LDHC: variants seen among roughly 807,000 people sequenced by gnomAD.
LDHC encodes the protein L-lactate dehydrogenase C chain.
Under a neutral mutation model 30.2 loss-of-function variants are expected in LDHC, and 20 were observed. The observed-to-expected ratio is 0.66, with a 90% CI of 0.47 to 0.96. The LOEUF is 0.96. Among genes scored for constraint, LDHC ranks in the 40% least tolerant of loss-of-function variants. The pLI, the probability that LDHC is intolerant of heterozygous loss-of-function variation, is 0.00. For synonymous variants in LDHC, 139 were observed against 132.7 expected, an observed-to-expected ratio of 1.05 and a Z score of -0.32; for missense variants, 362 against 394.9, an observed-to-expected ratio of 0.92 and a Z score of 0.71.
At chr11:18,418,757 C>A (rs1189530415) in intron 3 of LDHC, among the ~76,000 whole-genome samples, 1 of 152,094 alleles carries the variant, frequency 6.6e-6, no homozygotes, top group Non-Finnish European at 1.5e-5. Flanking sequence ...ACATATTCAA[C>A]TTTCAATTTC....
chr11:18,443,510 A>G (rs1590235448), intron 6 of LDHC, among the ~76,000 whole-genome samples: 1 of 135,338 alleles, frequency 7.4e-6, no homozygotes, highest in Admixed American at 8.3e-5. Context: ...TCCAGGCTGG[A>G]GTGTAGTGGC....
intron 6 of LDHC, among the ~76,000 whole-genome samples, chr11:18,444,603 G>GATATATATATATATATATATATATATAT: frequency 1.3e-5 from 1 of 75,668 alleles, no homozygotes; most frequent in Non-Finnish European, 3.0e-5. Context: ...GTGTTCAGGT[G>GATATATATATATATATATATATATATAT]GTATATATAT....
At chr11:18,442,749 G>A (rs1436137628) in intron 6 of LDHC, among the ~76,000 whole-genome samples, 6 of 136,712 alleles carry the variant, frequency 4.4e-5, no homozygotes, top group Admixed American at 4.2e-4. Flanking sequence ...TGCAACCTCC[G>A]CCTCCTGGGT....
chr11:18,448,087 A>G (rs1459793227), intron 7 of LDHC, among the ~76,000 whole-genome samples: 1 of 151,518 alleles, frequency 6.6e-6, no homozygotes, highest in Non-Finnish European at 1.5e-5. Context: ...AAGAGGCAAT[A>G]AAGAGTACAC....
At chr11:18,429,665 G>A in intron 3 of LDHC, 72 bp from the exon 4 acceptor site, 1 of 789,376 alleles carries the variant, frequency 1.3e-6, no homozygotes, top group Middle Eastern at 2.4e-4. Context: ...ACATACAATA[G>A]AGTTTTAAGG....
intron 3 of LDHC, 104 bp downstream of exon 3, chr11:18,415,405 A>T (rs1866992400): frequency 8.2e-6 from 5 of 612,338 alleles, no homozygotes; most frequent in Non-Finnish European, 8.5e-6. Context: ...GCACCATGCC[A>T]TTGGGCCATA....
At chr11:18,433,918 T>C (rs571712557) in intron 4 of LDHC, among the ~76,000 whole-genome samples, 37 of 152,362 alleles carry the variant, frequency 2.4e-4, no homozygotes, top group African/African-American at 8.2e-4. Context: ...TTTAGAATTG[T>C]CTTCTTCCTC....
intron 4 of LDHC, 36 bp downstream of exon 4, chr11:18,429,946 T>C: frequency 1.5e-6 from 2 of 1,334,172 alleles, no homozygotes; most frequent in Non-Finnish European, 2.1e-6. Context: ...TGCATAAGGA[T>C]GATCTTTCCA....
At chr11:18,437,283 T>C (rs1458524081) in intron 5 of LDHC, among the ~76,000 whole-genome samples, 1 of 152,266 alleles carries the variant, frequency 6.6e-6, no homozygotes. Flanking sequence ...CTTAAAAATA[T>C]GTATGTTGCT....
chr11:18,422,293 T>A (rs1450534469), intron 3 of LDHC, among the ~76,000 whole-genome samples: 1 of 152,004 alleles, frequency 6.6e-6, no homozygotes, highest in Non-Finnish European at 1.5e-5. Context: ...CGATGGCCCA[T>A]GCCTGTAATC....
chr11:18,429,788 G>A lies in LDHC; in HGVS notation c.296G>A (p.Arg99Lys). The A allele has an allele frequency of 6.2e-7, 1 of 1,612,996 alleles. No homozygotes were observed. The highest frequency in any genetic ancestry group is 8.5e-7 in the Non-Finnish European group (1 of 1,179,090). Residue 99 changes from arginine (R) to lysine (K), a missense_variant, in exon 4 of 8, where the codon AGG becomes AAG. Transcript: ENST00000541669. ...ATAGTTATTGTCACAGCAGGTGCAAGGCAGCAGGAGGGAGAAACTCGCCTT... is the reference window on the plus strand; with the variant it reads ...ATAGTTATTGTCACAGCAGGTGCAAAGCAGCAGGAGGGAGAAACTCGCCTT... Reference protein sequence around the residue: ...SRIVIVTAGARQQEGETRLAL... With the variant: ...SRIVIVTAGAKQQEGETRLAL...
intron 5 of LDHC, among the ~76,000 whole-genome samples, chr11:18,436,539 T>G (rs1054554042): frequency 4.5e-5 from 6 of 133,528 alleles, no homozygotes; most frequent in Non-Finnish European, 7.7e-5. Context: ...CAGGCTGGAG[T>G]GCAATGGTGT....
chr11:18,415,493 G>T (rs186664483), intron 3 of LDHC, among the ~76,000 whole-genome samples, 192 bp downstream of exon 3: 2 of 151,810 alleles, frequency 1.3e-5, no homozygotes, highest in African/African-American at 4.8e-5. Flanking sequence ...GTGCAGTGGC[G>T]CGATCTTGGC....
At chr11:18,438,769 C>T (rs2133839739) in intron 6 of LDHC, 124 bp downstream of exon 6, 1 of 518,564 alleles carries the variant, frequency 1.9e-6, no homozygotes, top group South Asian at 2.7e-5. Flanking sequence ...CTCCTGAAAA[C>T]CACTAAATTC....
chr11:18,413,338 C>T (rs1278274232), intron 2 of LDHC, among the ~76,000 whole-genome samples: 2 of 152,156 alleles, frequency 1.3e-5, no homozygotes. Context: ...CTGCCTCGGC[C>T]TCCCAGAGTA....
chr11:18,418,678 C>T (rs1428027485), intron 3 of LDHC, among the ~76,000 whole-genome samples: 9 of 152,012 alleles, frequency 5.9e-5, no homozygotes, highest in East Asian at 1.9e-4. Context: ...CCACCTGCCT[C>T]GGCCTCCCAA....
chr11:18,428,133 G>A (rs1848194197), intron 3 of LDHC, among the ~76,000 whole-genome samples: 1 of 148,820 alleles, frequency 6.7e-6, no homozygotes, highest in African/African-American at 2.5e-5. Flanking sequence ...TAAAAATTAG[G>A]TAGATTTCAT....
At chr11:18,447,346 A>G (rs1241326381) in intron 7 of LDHC, among the ~76,000 whole-genome samples, 1 of 152,052 alleles carries the variant, frequency 6.6e-6, no homozygotes, top group Non-Finnish European at 1.5e-5. Flanking sequence ...TGTGTTAACC[A>G]GGATGGTCTT....
chr11:18,436,481 G>GATTTTTTTT (rs762530928), intron 5 of LDHC, among the ~76,000 whole-genome samples: 7 of 108,184 alleles, frequency 6.5e-5, no homozygotes, highest in African/African-American at 1.8e-4. Flanking sequence ...ATAATACAAA[G>GATTTTTTTT]TTTTTTTTTT....
Sources: allele counts gnomAD v4.1 joint callset (sites outside exome capture counted in the v4.1 genomes callset), GRCh38; gene constraint gnomAD v4.1.1; transcripts MANE v1.5; gene names NCBI Gene and HGNC (gene_info 2026-07-23, HGNC 2026-07-21).